NUMA1: variants seen among roughly 807,000 people sequenced by gnomAD.
NUMA1 encodes the protein nuclear mitotic apparatus protein 1.
A neutral mutation model predicts 237.1 loss-of-function variants in NUMA1; 62 were observed. The observed-to-expected ratio is 0.26, with a 90% CI of 0.21 to 0.32. The LOEUF (loss-of-function observed/expected upper bound fraction) is 0.32, where lower values mean the gene tolerates loss of function less well. NUMA1 is among the 10% of genes least tolerant of loss of function. The pLI, the probability that NUMA1 is intolerant of heterozygous loss-of-function variation, is 1.00. For missense variants in NUMA1, 2,533 were observed against 2,666.5 expected, an observed-to-expected ratio of 0.95 and a Z score of 1.10; for synonymous variants, 1,028 against 1,066.1, an observed-to-expected ratio of 0.96 and a Z score of 0.70.
chr11:72,027,894 C>T (rs922401571), intron 4 of NUMA1, among the ~76,000 whole-genome samples: 19 of 152,118 alleles, frequency 1.2e-4, no homozygotes, highest in African/African-American at 3.6e-4. Context: ...TAGAGATCAG[C>T]GCCAAGGAGA....
At chr11:72,060,821 A>G (rs796836264) in intron 2 of NUMA1, among the ~76,000 whole-genome samples, 23 of 152,324 alleles carry the variant, frequency 1.5e-4, no homozygotes, top group African/African-American at 5.3e-4. Context: ...CTGTAATCCC[A>G]GCATTTTGGG....
At chr11:72,033,229 T>C (rs1430502585) in intron 3 of NUMA1, among the ~76,000 whole-genome samples, 1 of 152,182 alleles carries the variant, frequency 6.6e-6, no homozygotes. Flanking sequence ...GATGCAATCA[T>C]GGCTAACTGC....
chr11:72,064,010 G>C (rs1015362987), intron 2 of NUMA1, among the ~76,000 whole-genome samples: 1 of 147,824 alleles, frequency 6.8e-6, no homozygotes, highest in African/African-American at 2.5e-5. Context: ...AGAAATAAAA[G>C]TTTAGGAAAT....
intron 3 of NUMA1, among the ~76,000 whole-genome samples, chr11:72,030,077 G>A (rs1044141543): frequency 2.0e-5 from 3 of 152,138 alleles, no homozygotes; most frequent in Non-Finnish European, 2.9e-5. Flanking sequence ...GCTCACACCT[G>A]TAATCCTAGC....
At chr11:72,058,312 G>T (rs752664618) in intron 2 of NUMA1, among the ~76,000 whole-genome samples, 1 of 152,052 alleles carries the variant, frequency 6.6e-6, no homozygotes, top group Non-Finnish European at 1.5e-5. Flanking sequence ...TATTGGAAAG[G>T]GTTTTGTTGT....
Position 72,042,937 on chromosome 11 carries a change from G to A in NUMA1, c.-32-6962C>T, listed in dbSNP as rs566803777. Among the ~76,000 whole-genome samples, 4 of 151,592 alleles carry A rather than the reference G, an allele frequency of 2.6e-5. No homozygotes were observed. The South Asian group carries it at 8.4e-4, about 32-fold the overall frequency. Reference sequence around the variant, plus strand: ...GAGACCAGCCGGGGCAACATAGGGAGATCCCATCTCTACAAAAAATTTCAT... The same window carrying A: ...GAGACCAGCCGGGGCAACATAGGGAAATCCCATCTCTACAAAAAATTTCAT... On this transcript the variant is annotated intron_variant, in intron 2 of 26. Transcript: ENST00000393695.
chr11:72,015,791 G>A lies in NUMA1; in HGVS notation c.1712C>T (p.Ala571Val), dbSNP rs751650929. Residue 571 changes from alanine to valine, a missense_variant, in exon 15 of 27, where the codon GCG (alanine) becomes GTG (valine). Physicochemically the swap from Ala to Val is moderately conservative, Grantham distance 64 (BLOSUM62 0). Around this residue, in one of 3 missense-constraint regions of NUMA1, gnomAD observed 1,414 missense variants for 1,508.1 expected, o/e 0.94. Coordinates refer to ENST00000393695, the MANE Select transcript of NUMA1 (RefSeq NM_006185.4). This position sits in a 1 kb window ranked among gnomAD's most constrained non-coding sequence, Gnocchi z 4.0. The part of the protein sequence containing the change: ...KQKEQQLKEV[A>V]EKQEATRQDH... ...CTGCCTAGTTGCCTCCTGCTTCTCC[G>A]CTACCTCCTTCAACTGCTGCTCCTT... The A allele has an allele frequency of 7.3e-5, 118 of 1,614,032 alleles. No homozygotes were observed. The highest frequency in any genetic ancestry group is 1.6e-4 in the Middle Eastern group (1 of 6,084).
chr11:72,004,553 G>T, intron 24 of NUMA1, 87 bp downstream of exon 24: 2 of 1,393,130 alleles, frequency 1.4e-6, no homozygotes, highest in Admixed American at 2.0e-5. Context: ...GTGAGGGAAG[G>T]AGAGAGAAGG....
At chr11:72,021,113 G>T (rs756998125) in intron 8 of NUMA1, 91 bp downstream of exon 8, 1 of 1,066,262 alleles carries the variant, frequency 9.4e-7, no homozygotes, top group Non-Finnish European at 1.4e-6. Context: ...GTTGGGGACA[G>T]AAACAAACCC....
intron 2 of NUMA1, among the ~76,000 whole-genome samples, chr11:72,046,282 C>A (rs1025975894): frequency 2.0e-5 from 3 of 152,106 alleles, no homozygotes; most frequent in Admixed American, 2.0e-4. Flanking sequence ...CGGTGGCTCA[C>A]GCCTGTAATC....
At chr11:72,009,857 T>C (rs1452452103) in intron 17 of NUMA1, among the ~76,000 whole-genome samples, 1 of 152,198 alleles carries the variant, frequency 6.6e-6, no homozygotes. Flanking sequence ...TTTAAGCAAA[T>C]TGACCAGAGT....
chr11:72,073,267 A>ACTG (rs1943549006), intron 1 of NUMA1, among the ~76,000 whole-genome samples: 1 of 150,344 alleles, frequency 6.7e-6, no homozygotes, highest in Non-Finnish European at 1.5e-5. Flanking sequence ...GAAGACAGCC[A>ACTG]CTGCACTCCA....
chr11:72,024,390 G>C (rs777813782), intron 4 of NUMA1, 37 bp from the exon 5 acceptor site: 1 of 1,575,776 alleles, frequency 6.3e-7, no homozygotes, highest in South Asian at 1.1e-5. Context: ...AGAGTATTCA[G>C]CAATCTTTGC....
intron 8 of NUMA1, among the ~76,000 whole-genome samples, 194 bp from the exon 9 acceptor site, chr11:72,019,811 C>T (rs1040284389): frequency 6.6e-6 from 1 of 152,188 alleles, no homozygotes; most frequent in African/African-American, 2.4e-5. Flanking sequence ...GTGTCTCTAA[C>T]CAAAATGAAG....
intron 2 of NUMA1, among the ~76,000 whole-genome samples, chr11:72,058,264 A>G (rs1291389235): frequency 6.6e-6 from 1 of 152,174 alleles, no homozygotes; most frequent in Non-Finnish European, 1.5e-5. Context: ...AGAAATGGTA[A>G]CATATTTTTG....
At chr11:72,071,369 GTTC>G in intron 1 of NUMA1, among the ~76,000 whole-genome samples, 1 of 152,240 alleles carries the variant, frequency 6.6e-6, no homozygotes, top group East Asian at 1.9e-4. Context: ...AATCTATATA[GTTC>G]TTCTACCAAA....
At chr11:72,042,748 T>C (rs1417275235) in intron 2 of NUMA1, among the ~76,000 whole-genome samples, 1 of 152,116 alleles carries the variant, frequency 6.6e-6, no homozygotes, top group Non-Finnish European at 1.5e-5. Context: ...TATACCTGAA[T>C]GAGACTAGCA....
chr11:72,006,062 C>T lies in NUMA1; in HGVS notation c.5665G>A (p.Ala1889Thr). The T allele has an allele frequency of 1.2e-6, 2 of 1,613,428 alleles. No individual in the cohort carries two copies. Among genetic ancestry groups the T allele is most frequent in the Non-Finnish European group, 1.7e-6 (2 of 1,179,520 alleles). ...TTRSSARRSQAGVSSGAPPGR... is the reference protein window; with the variant it reads ...TTRSSARRSQTGVSSGAPPGR... ...GGAGGGGCCCCACTGGACACCCCGG[C>T]CTGGGAACGACGAGCAGAACTGCGA... The change falls in exon 22 of 27, where the codon GCC becomes ACC. Residue 1889 changes from alanine (A) to threonine (T), a missense_variant. Transcript: ENST00000393695.
intron 1 of NUMA1, among the ~76,000 whole-genome samples, chr11:72,077,447 T>A (rs1001343476): frequency 1.3e-5 from 2 of 152,070 alleles, no homozygotes; most frequent in African/African-American, 4.8e-5. Flanking sequence ...AAGCCAGAAT[T>A]TCAATGAAAA....
Sources: allele counts gnomAD v4.1 joint callset (sites outside exome capture counted in the v4.1 genomes callset), GRCh38; gene constraint gnomAD v4.1.1; regional missense constraint gnomAD v4.1.1; non-coding constraint Gnocchi (gnomAD v3.1); transcripts MANE v1.5; gene names NCBI Gene and HGNC (gene_info 2026-07-23, HGNC 2026-07-21).